The following SF3B3 variants were observed in gnomAD, a reference collection of about 807,000 sequenced individuals.
The protein encoded by SF3B3 is splicing factor 3b subunit 3, also known as SAP 130.
In SF3B3, 33 loss-of-function variants were observed where a neutral mutation model predicts 139.2. That is an observed-to-expected ratio of 0.24 (90% CI 0.18 to 0.32). The LOEUF is 0.32. SF3B3 is among the 10% of genes least tolerant of loss of function. SF3B3 has a pLI of 1.00. For synonymous variants in SF3B3, 596 were observed against 563.6 expected (o/e 1.06, Z -0.81); for missense variants, 818 against 1,509.4 (o/e 0.54, Z 7.59).
At chr16:70,552,283 G>A (rs1022736201) in intron 11 of SF3B3, among the ~76,000 whole-genome samples, 15 of 152,168 alleles carry the variant, frequency 9.9e-5, no homozygotes, top group East Asian at 7.7e-4. Context: ...GGGTTATTAG[G>A]TTTCAGTAAT....
chr16:70,543,408 C>CA (rs34604227), intron 9 of SF3B3, among the ~76,000 whole-genome samples: 57,690 of 141,790 alleles, frequency 0.41, 11,858 homozygotes, highest in South Asian at 0.66. Context: ...AACCCCGTCT[C>CA]AAAAAAGAAA....
At chr16:70,548,814 G>A (rs2050293504) in intron 11 of SF3B3, among the ~76,000 whole-genome samples, 2 of 152,172 alleles carry the variant, frequency 1.3e-5, no homozygotes, top group Non-Finnish European at 2.9e-5. Context: ...CTTTTAAATT[G>A]TTTTGAAACC....
chr16:70,526,712 A>G lies in SF3B3; in HGVS notation c.56A>G (p.His19Arg), dbSNP rs2151772741. ...QRATGISFAIHGNFSGTKQQE... is the reference protein window; with the variant it reads ...QRATGISFAIRGNFSGTKQQE... The stretch of plus-strand genomic sequence containing the variant: ...GCCACTGGCATCAGCTTTGCCATTC[A>G]TGGAAACTTTTCTGGTAAGTTCTCT... The change falls in exon 2 of 26, where the codon CAT becomes CGT. Residue 19 changes from histidine to arginine, a missense_variant. Physicochemically the swap from His to Arg is conservative, Grantham distance 29. Coordinates refer to ENST00000302516, the MANE Select transcript of SF3B3 (RefSeq NM_012426.5). 6.2e-7 allele frequency: 1 copy of G among 1,613,512 alleles called. No homozygotes were observed. The highest frequency in any genetic ancestry group is 1.7e-4 in the Middle Eastern group (1 of 6,058).
At chr16:70,539,608 A>T (rs1271278616) in intron 8 of SF3B3, among the ~76,000 whole-genome samples, 1 of 151,986 alleles carries the variant, frequency 6.6e-6, no homozygotes, top group Non-Finnish European at 1.5e-5. Flanking sequence ...GCTTTTCACA[A>T]GAATGTGTTA....
chr16:70,555,882 A>C (rs1430846193), intron 13 of SF3B3, among the ~76,000 whole-genome samples: 1 of 152,172 alleles, frequency 6.6e-6, no homozygotes, highest in African/African-American at 2.4e-5. Flanking sequence ...ATATGTCTCC[A>C]TTTCCTGAGA....
Position 70,547,194 on chromosome 16 carries a change from T to A in SF3B3, c.1330-1176T>A, listed in dbSNP as rs549682852. Reference sequence around the variant, plus strand: ...ATAGTTGACAGTTGAATTTTATTGATGATGAAGTTCTTAGGTCTTCCTTCT... The same window carrying A: ...ATAGTTGACAGTTGAATTTTATTGAAGATGAAGTTCTTAGGTCTTCCTTCT... On this transcript the variant is annotated intron_variant, in intron 10 of 25. Coordinates refer to ENST00000302516, the MANE Select transcript of SF3B3 (RefSeq NM_012426.5). Among the ~76,000 whole-genome samples, 18 of 152,298 alleles carry A rather than the reference T, an allele frequency of 1.2e-4. No individual in the cohort carries two copies. The East Asian group carries it at 3.3e-3, about 28-fold the overall frequency.
chr16:70,565,307 G>T, intron 19 of SF3B3, 37 bp downstream of exon 19: 3 of 1,613,466 alleles, frequency 1.9e-6, no homozygotes, highest in Non-Finnish European at 2.5e-6. Flanking sequence ...TTGGCAGGCT[G>T]GAACAGGAGC....
In SF3B3 at chr16:70,539,084, A is replaced by G; in HGVS notation, c.964-20A>G. 1 of 1,554,700 alleles carries G rather than the reference A, an allele frequency of 6.4e-7. No homozygotes were observed. The highest frequency in any genetic ancestry group is 1.1e-5 in the South Asian group (1 of 89,848). ...TCACTTCACTTTGTTTGTACACCAGAATGTTTCTTTTCTCACCAGGTTACT... is the reference window on the plus strand; with the variant it reads ...TCACTTCACTTTGTTTGTACACCAGGATGTTTCTTTTCTCACCAGGTTACT... On this transcript the variant is annotated intron_variant, in intron 7 of 25. Transcript: ENST00000302516.
chr16:70,534,047 A>G (rs2050145172), intron 5 of SF3B3, among the ~76,000 whole-genome samples: 2 of 152,204 alleles, frequency 1.3e-5, no homozygotes, highest in South Asian at 2.1e-4. Flanking sequence ...AACCAAAACA[A>G]TTACCAGAAA....
intron 8 of SF3B3, among the ~76,000 whole-genome samples, chr16:70,540,654 A>G (rs149386353): frequency 1.3e-5 from 2 of 152,164 alleles, no homozygotes; most frequent in Non-Finnish European, 2.9e-5. Flanking sequence ...TACAGGCTTG[A>G]GCCATAGCGC....
At chr16:70,529,343 T>C in intron 3 of SF3B3, 144 bp downstream of exon 3, 1 of 664,014 alleles carries the variant, frequency 1.5e-6, no homozygotes, top group Non-Finnish European at 2.5e-6. Context: ...TGCATTTCCT[T>C]TTTAAAAGAG....
At chr16:70,553,641 G>A (rs1019530379) in intron 11 of SF3B3, among the ~76,000 whole-genome samples, 1 of 152,150 alleles carries the variant, frequency 6.6e-6, no homozygotes, top group Non-Finnish European at 1.5e-5. Context: ...GCTGTTGTAT[G>A]TTGTAGGGTG....
rs2050367715 is a variant in SF3B3 at position 70,555,182 on chromosome 16, G to A, written c.1686G>A (p.Glu562=). 1 of 1,613,974 alleles carries A rather than the reference G, an allele frequency of 6.2e-7. No individual in the cohort carries two copies. Among genetic ancestry groups the A allele is most frequent in the Admixed American group, 1.7e-5 (1 of 60,002 alleles). ...RQVVIALTGG[E]LVYFEMDPSG... The stretch of plus-strand genomic sequence containing the variant: ...TGGTGATTGCCCTGACAGGAGGAGA[G>A]CTGGTCTATTTCGAGATGGATCCTG... The change falls in exon 13 of 26, where the codon GAG becomes GAA. Residue 562 remains glutamate, a synonymous_variant. Coordinates refer to ENST00000302516, the MANE Select transcript of SF3B3 (RefSeq NM_012426.5).
In SF3B3 at chr16:70,573,777, G is replaced by T. The variant is rs1436978587; in HGVS notation, c.*1964G>T. ...GGCTGCTGCAGAACTCAGACAGAGG[G>T]ATCTGCCCTTGGGTTTGCTTCCATC... On this transcript the variant is annotated 3_prime_UTR_variant, in exon 26 of 26. Coordinates refer to ENST00000302516, the MANE Select transcript of SF3B3 (RefSeq NM_012426.5). 3 of 152,348 alleles carry T rather than the reference G, an allele frequency of 2.0e-5. No homozygotes were observed. Among genetic ancestry groups the T allele is most frequent in the East Asian group, 1.9e-4 (1 of 5,190 alleles). The allele number at this position is 152,348 out of a possible 1,614,324, so 9.4% of individuals were successfully genotyped here. A position where few individuals can be genotyped will look rare whatever the true frequency, so the allele number is the denominator to read the frequency against.
intron 11 of SF3B3, among the ~76,000 whole-genome samples, chr16:70,548,718 T>C (rs1237739179): frequency 6.6e-6 from 1 of 152,230 alleles, no homozygotes; most frequent in African/African-American, 2.4e-5. Flanking sequence ...TGGTATTGAC[T>C]TTATATTCAT....
rs774820694 is a variant in SF3B3, at chr16:70,572,317, G to A, written c.*504G>A. On this transcript the variant is annotated 3_prime_UTR_variant, in exon 26 of 26. Transcript: ENST00000302516. ...AAGGTGACTGGCATCCATGTGTCTT[G>A]TTCTGGAGATGAGGATGTAGGTGGG... The A allele has an allele frequency of 3.3e-6, 1 of 300,308 alleles. No homozygotes were observed. The highest frequency in any genetic ancestry group is 6.6e-6 in the Non-Finnish European group (1 of 152,236). The allele number at this position is 300,308 out of a possible 1,614,324, so 18.6% of individuals were successfully genotyped here.
intron 10 of SF3B3, among the ~76,000 whole-genome samples, chr16:70,546,762 A>G (rs1375494045): frequency 6.6e-5 from 10 of 152,302 alleles, no homozygotes; most frequent in Admixed American, 2.0e-4. Flanking sequence ...AAATCTATAG[A>G]CAAACCTTTG....
Position 70,576,199 on chromosome 16 carries a change from A to T in SF3B3, c.*4386A>T, listed in dbSNP as rs1465488474. On this transcript the variant is annotated 3_prime_UTR_variant, in exon 26 of 26. Coordinates refer to ENST00000302516, the MANE Select transcript of SF3B3 (RefSeq NM_012426.5). Reference sequence around the variant, plus strand: ...TGAACATTGCTGCTTGTTCAAAATGAAGAAAAAAAATATCAAAGAAAACCA... The same window carrying T: ...TGAACATTGCTGCTTGTTCAAAATGTAGAAAAAAAATATCAAAGAAAACCA... The T allele has an allele frequency of 2.6e-5, 4 of 152,270 alleles. No homozygotes were observed. In the East Asian group the frequency reaches 7.7e-4, roughly 29 times the overall value. 9.4% of individuals were successfully genotyped at this position (152,270 alleles called of 1,614,324 possible). A position where few individuals can be genotyped will look rare whatever the true frequency, so the allele number is the denominator to read the frequency against.
At chr16:70,563,511 C>T (rs752353557) in intron 17 of SF3B3, among the ~76,000 whole-genome samples, 4 of 152,164 alleles carry the variant, frequency 2.6e-5, no homozygotes, top group Non-Finnish European at 4.4e-5. Context: ...TTTTATGAAG[C>T]ACAGTCACTA....
Sources: gnomAD v4.1 joint callset for allele counts (sites outside exome capture counted in the v4.1 genomes callset) on GRCh38, gnomAD v4.1.1 for gene constraint, MANE v1.5 for transcripts, NCBI Gene and HGNC (gene_info 2026-07-23, HGNC 2026-07-21) for gene names.